EYA4: variants seen among roughly 807,000 people sequenced by gnomAD.
EYA4 encodes the protein protein phosphatase EYA4.
In EYA4, 31 loss-of-function variants were observed where a neutral mutation model predicts 87.9. That is an observed-to-expected ratio of 0.35 (90% confidence interval 0.27 to 0.48). The LOEUF is 0.48. Ranked by LOEUF, EYA4 falls within the 20% of genes least tolerant of loss-of-function variation. The pLI, the probability that EYA4 is intolerant of heterozygous loss-of-function variation, is 0.99. For missense variants in EYA4, 678 were observed against 761.4 expected, an observed-to-expected ratio of 0.89 and a Z score of 1.29; for synonymous variants, 263 against 270.6, an observed-to-expected ratio of 0.97 and a Z score of 0.28.
chr6:133,273,829 C>A (rs1554214189), intron 1 of EYA4, among the ~76,000 whole-genome samples: 1 of 152,044 alleles, frequency 6.6e-6, no homozygotes, highest in Non-Finnish European at 1.5e-5. Flanking sequence ...ATGTTAAGAA[C>A]ATCAGCCCAT....
At chr6:133,485,646 G>A (rs1796625491) in intron 13 of EYA4, among the ~76,000 whole-genome samples, 1 of 152,204 alleles carries the variant, frequency 6.6e-6, no homozygotes, top group African/African-American at 2.4e-5. Flanking sequence ...GACAATTAGT[G>A]AGGTACTGCA....
In EYA4 at chr6:133,464,847, G is replaced by T; in HGVS notation, c.793G>T (p.Gly265Cys). 3.1e-6 allele frequency: 5 copies of T among 1,607,460 alleles called. No homozygotes were observed. The South Asian group carries it at 4.4e-5, about 14-fold the overall frequency. The part of the protein sequence containing the change: ...NSVSNSTNFS[G>C]SQQDYPSYTA... ...AGTTTCCAATTCAACGAATTTCAGT[G>T]GTTCACAACAGGTATAGTAGCTTTT... is the stretch of plus-strand genomic sequence containing the variant. The change falls in exon 10 of 20, where the codon GGT (glycine) becomes TGT (cysteine). Residue 265 changes from glycine to cysteine, a missense_variant. Gly to Cys is a radical substitution (Grantham distance 159). Coordinates refer to ENST00000355286, the MANE Select transcript of EYA4 (RefSeq NM_004100.5).
At chr6:133,360,812 T>C (rs1245035116) in intron 2 of EYA4, 3 of 152,352 alleles carry the variant, frequency 2.0e-5, no homozygotes, top group East Asian at 3.9e-4. Flanking sequence ...TTCTCGATGC[T>C]CCTCTTTCTC....
At chr6:133,515,622 AGTGTGTGTGT>A (rs72318662) in intron 17 of EYA4, among the ~76,000 whole-genome samples, 187 bp downstream of exon 17, 47 of 146,724 alleles carry the variant, frequency 3.2e-4, no homozygotes, top group Middle Eastern at 3.5e-3. Flanking sequence ...TGTGTGTGTG[AGTGTGTGTGT>A]GTGTGTGTGT....
intron 2 of EYA4, among the ~76,000 whole-genome samples, chr6:133,332,213 G>A (rs929870033): frequency 6.6e-6 from 1 of 152,196 alleles, no homozygotes; most frequent in African/African-American, 2.4e-5. Context: ...CTTGTTCTTT[G>A]AAGCCAAGGA....
chr6:133,466,158 G>A (rs1000518499), intron 10 of EYA4, among the ~76,000 whole-genome samples: 5 of 152,096 alleles, frequency 3.3e-5, no homozygotes, highest in Admixed American at 1.3e-4. Context: ...GACAGAGGGT[G>A]GGATGGGATA....
intron 2 of EYA4, among the ~76,000 whole-genome samples, chr6:133,357,330 A>G (rs998416881): frequency 2.0e-5 from 3 of 151,432 alleles, no homozygotes; most frequent in African/African-American, 4.9e-5. Context: ...TTATTTATGC[A>G]TAAACTCTAC....
rs576110474 is a variant in EYA4 at position 133,460,646 on chromosome 6, A to G, written c.371-468A>G. On this transcript the variant is annotated intron_variant, in intron 6 of 19. Coordinates refer to ENST00000355286, the MANE Select transcript of EYA4 (RefSeq NM_004100.5). ...AAATAGAATAAAATAGTATTTTACCATTAGAAAATGAAGTTTGGAACATCA... is the reference window on the plus strand; with the variant it reads ...AAATAGAATAAAATAGTATTTTACCGTTAGAAAATGAAGTTTGGAACATCA... Among the ~76,000 whole-genome samples the G allele has an allele frequency of 4.6e-5, 7 of 152,258 alleles. No homozygotes were observed. In the South Asian group the frequency reaches 1.2e-3, roughly 27 times the overall value.
chr6:133,423,087 A>G (rs1032772241), intron 3 of EYA4, among the ~76,000 whole-genome samples: 1 of 152,130 alleles, frequency 6.6e-6, no homozygotes, highest in Non-Finnish European at 1.5e-5. Flanking sequence ...ACAAAGGGAA[A>G]TGCTAAGACA....
At chr6:133,515,185 C>T (rs1562508484) in intron 16 of EYA4, 136 bp from the exon 17 acceptor site, 1 of 701,816 alleles carries the variant, frequency 1.4e-6, no homozygotes, top group Non-Finnish European at 2.6e-6. Flanking sequence ...TCAATATGGA[C>T]ATAAATCTGT....
chr6:133,457,789 T>G (rs917595633), intron 6 of EYA4, among the ~76,000 whole-genome samples: 1 of 152,176 alleles, frequency 6.6e-6, no homozygotes, highest in African/African-American at 2.4e-5. Context: ...TTGTAAACTT[T>G]CTGCAAAATA....
chr6:133,272,344 A>G (rs1776764321), intron 1 of EYA4, among the ~76,000 whole-genome samples: 1 of 152,186 alleles, frequency 6.6e-6, no homozygotes, highest in Non-Finnish European at 1.5e-5. Context: ...AACCATGGAC[A>G]TTTGAGCCAC....
At chr6:133,503,496 A>ACAT (rs1798315937) in intron 13 of EYA4, among the ~76,000 whole-genome samples, 1 of 152,338 alleles carries the variant, frequency 6.6e-6, no homozygotes, top group East Asian at 1.9e-4. Flanking sequence ...ATCATCAGAA[A>ACAT]CATAACAGAC....
At chr6:133,313,348 A>G (rs1241342242) in intron 2 of EYA4, among the ~76,000 whole-genome samples, 7 of 152,210 alleles carry the variant, frequency 4.6e-5, no homozygotes, top group Non-Finnish European at 1.5e-5. Flanking sequence ...TTGCCTGGAG[A>G]AAGTTAGAAT....
chr6:133,299,815 G>A (rs1224046190), intron 2 of EYA4, among the ~76,000 whole-genome samples: 3 of 151,244 alleles, frequency 2.0e-5, no homozygotes, highest in African/African-American at 4.9e-5. Context: ...ATAGCACTGC[G>A]ATTAGAAGTT....
rs1218573600 is a variant in EYA4 at position 133,530,818 on chromosome 6, A to G, written c.*2013A>G. On this transcript the variant is annotated 3_prime_UTR_variant, in exon 20 of 20. Coordinates refer to ENST00000355286, the MANE Select transcript of EYA4 (RefSeq NM_004100.5). ...CCCCAAGTACTATTCCAGGCAAATT[A>G]AAGTTGGAATACCTTTAATAATATA... 1 of 991,670 alleles carries G rather than the reference A, an allele frequency of 1.0e-6. No individual in the cohort carries two copies. The highest frequency in any genetic ancestry group is 1.2e-6 in the Non-Finnish European group (1 of 833,296). 61.4% of individuals were successfully genotyped at this position (991,670 alleles called of 1,614,324 possible).
At chr6:133,284,816 A>G (rs1349806165) in intron 2 of EYA4, among the ~76,000 whole-genome samples, 1 of 152,134 alleles carries the variant, frequency 6.6e-6, no homozygotes, top group East Asian at 1.9e-4. Context: ...AAATGGACGC[A>G]TATTACTGTT....
At chr6:133,258,141 A>G (rs1775492776) in intron 1 of EYA4, among the ~76,000 whole-genome samples, 1 of 152,206 alleles carries the variant, frequency 6.6e-6, no homozygotes, top group South Asian at 2.1e-4. Context: ...GAGTGAATCT[A>G]GTTTGTTCAA....
intron 18 of EYA4, among the ~76,000 whole-genome samples, chr6:133,523,909 A>G (rs920835283): frequency 1.3e-5 from 2 of 152,164 alleles, no homozygotes; most frequent in Non-Finnish European, 2.9e-5. Context: ...TTGAAGGTCA[A>G]CAAACTTAGG....
Sources: gnomAD v4.1 joint callset for allele counts (sites outside exome capture counted in the v4.1 genomes callset) on GRCh38, gnomAD v4.1.1 for gene constraint, MANE v1.5 for transcripts, NCBI Gene and HGNC (gene_info 2026-07-23, HGNC 2026-07-21) for gene names.